The following CSMD1 variants were observed in gnomAD, a reference collection of about 807,000 sequenced individuals.
CSMD1 encodes the protein CUB and Sushi multiple domains 1, also known as CUB and sushi domain-containing protein 1.
A neutral mutation model predicts 417.5 loss-of-function variants in CSMD1; 213 were observed. The ratio of observed to expected loss-of-function variants is 0.51; its 90% CI spans 0.46 to 0.57. CSMD1 has a LOEUF of 0.57. Ranked by LOEUF, CSMD1 falls within the 20% of genes least tolerant of loss-of-function variation. CSMD1 has a pLI of 0.00. For synonymous variants in CSMD1, 2,862 were observed against 1,736.8 expected (o/e 1.65, Z -16.11); for missense variants, 6,923 against 4,529.7 (o/e 1.53, Z -15.17).
intron 4 of CSMD1, among the ~76,000 whole-genome samples, chr8:4,007,751 G>C (rs1320919003): frequency 6.6e-6 from 1 of 151,922 alleles, no homozygotes; most frequent in Non-Finnish European, 1.5e-5. Context: ...TTGCAAACAA[G>C]CCTCTATTCA....
chr8:3,922,598 T>C (rs531943545), intron 5 of CSMD1, among the ~76,000 whole-genome samples: 3 of 152,338 alleles, frequency 2.0e-5, no homozygotes, highest in South Asian at 2.1e-4. Flanking sequence ...AAACATCTTC[T>C]GGTTAAAGCA....
At chr8:4,324,186 A>G (rs889304025) in intron 3 of CSMD1, among the ~76,000 whole-genome samples, 1 of 152,248 alleles carries the variant, frequency 6.6e-6, no homozygotes, top group African/African-American at 2.4e-5. Flanking sequence ...AAAAATATAG[A>G]ACAAAGTAAA....
At chr8:3,604,392 G>C (rs1801505261) in intron 8 of CSMD1, among the ~76,000 whole-genome samples, 1 of 152,022 alleles carries the variant, frequency 6.6e-6, no homozygotes. Flanking sequence ...CTTAAGATCT[G>C]GATTTTCTCT....
intron 1 of CSMD1, among the ~76,000 whole-genome samples, chr8:4,817,035 G>A (rs987090227): frequency 2.6e-5 from 4 of 152,116 alleles, no homozygotes; most frequent in Non-Finnish European, 4.4e-5. Context: ...AGGGAAATGC[G>A]TGTTAAGATT....
intron 1 of CSMD1, among the ~76,000 whole-genome samples, chr8:4,984,019 G>C (rs530742869): frequency 6.6e-6 from 1 of 152,274 alleles, no homozygotes; most frequent in South Asian, 2.1e-4. Flanking sequence ...TGAAAAGACT[G>C]ATTATGGAGG....
intron 3 of CSMD1, among the ~76,000 whole-genome samples, chr8:4,255,809 G>A (rs1803417937): frequency 1.3e-5 from 2 of 152,280 alleles, no homozygotes; most frequent in South Asian, 4.1e-4. Context: ...GGCCTCCTCT[G>A]GGGCACTGGC....
rs1807120836 is a variant in CSMD1, at chr8:3,334,528, T to A, written c.3631+8766A>T. Among the ~76,000 whole-genome samples the A allele has an allele frequency of 2.0e-5, 3 of 152,228 alleles. No individual in the cohort carries two copies. In the South Asian group the frequency reaches 6.2e-4, roughly 31 times the overall value. On this transcript the variant is annotated intron_variant, in intron 23 of 69. Transcript: ENST00000635120. ...GTTGATGTCATTTTTATTGTATCAA[T>A]GTGTTAATAAAACCAGCATGACAGC...
chr8:3,828,902 G>A (rs773192240), intron 5 of CSMD1, among the ~76,000 whole-genome samples: 1 of 152,030 alleles, frequency 6.6e-6, no homozygotes, highest in Non-Finnish European at 1.5e-5. Context: ...TCACTGTAGT[G>A]GCCTTCAGCT....
chr8:3,528,640 G>A (rs1470631105), intron 10 of CSMD1, among the ~76,000 whole-genome samples: 1 of 152,136 alleles, frequency 6.6e-6, no homozygotes, highest in Non-Finnish European at 1.5e-5. Context: ...CTAATTAAAT[G>A]TCTTGAAATT....
At chr8:4,787,590 T>A (rs1390818233) in intron 1 of CSMD1, 1 of 1,533,958 alleles carries the variant, frequency 6.5e-7, no homozygotes, top group Non-Finnish European at 9.0e-7. Flanking sequence ...CAGTGCGAAA[T>A]GATTCCAATT....
chr8:3,877,338 TG>T (rs1239986040), intron 5 of CSMD1, among the ~76,000 whole-genome samples: 4 of 152,122 alleles, frequency 2.6e-5, no homozygotes, highest in Non-Finnish European at 5.9e-5. Flanking sequence ...GTGTCCATGA[TG>T]GGGGAGGCAT....
chr8:4,156,112 G>C (rs573422863), intron 3 of CSMD1, among the ~76,000 whole-genome samples: 1 of 152,114 alleles, frequency 6.6e-6, no homozygotes, highest in African/African-American at 2.4e-5. Context: ...ATAATCATCC[G>C]ATCCTGACAT....
intron 1 of CSMD1, among the ~76,000 whole-genome samples, chr8:4,742,921 A>G (rs1810717570): frequency 6.6e-6 from 1 of 152,218 alleles, no homozygotes; most frequent in Non-Finnish European, 1.5e-5. Context: ...CTGAAAATAA[A>G]TTGTAAAAAT....
intron 3 of CSMD1, among the ~76,000 whole-genome samples, chr8:4,394,476 C>T (rs1051565049): frequency 6.6e-6 from 1 of 152,184 alleles, no homozygotes; most frequent in African/African-American, 2.4e-5. Flanking sequence ...CTCAGGTTCT[C>T]TCCCTTCTGA....
chr8:3,685,383 T>C (rs1225007512), intron 7 of CSMD1, among the ~76,000 whole-genome samples: 2 of 152,156 alleles, frequency 1.3e-5, no homozygotes, highest in Admixed American at 6.5e-5. Flanking sequence ...AGGGGTCCTG[T>C]CTGGGTCCTG....
At chr8:3,370,960 A>G (rs1809908317) in intron 18 of CSMD1, among the ~76,000 whole-genome samples, 1 of 151,674 alleles carries the variant, frequency 6.6e-6, no homozygotes, top group Non-Finnish European at 1.5e-5. Context: ...TGGGGCAACA[A>G]GAGTCAAACT....
chr8:3,615,132 G>C (rs1032578918), intron 8 of CSMD1, among the ~76,000 whole-genome samples: 2 of 152,056 alleles, frequency 1.3e-5, no homozygotes, highest in Non-Finnish European at 2.9e-5. Flanking sequence ...CTGCCAGCTG[G>C]TGCATCCACA....
intron 52 of CSMD1, among the ~76,000 whole-genome samples, chr8:3,002,510 G>A (rs1807496775): frequency 6.6e-6 from 1 of 152,190 alleles, no homozygotes; most frequent in Admixed American, 6.5e-5. Flanking sequence ...AATTACTTCT[G>A]AAGCCTGGAA....
intron 5 of CSMD1, among the ~76,000 whole-genome samples, chr8:3,991,534 T>G (rs983985290): frequency 1.9e-4 from 29 of 152,204 alleles, no homozygotes; most frequent in Admixed American, 7.9e-4. Flanking sequence ...CTAAGATGAT[T>G]ACATTACTGT....
Sources: gnomAD v4.1 joint callset for allele counts (sites outside exome capture counted in the v4.1 genomes callset) on GRCh38, gnomAD v4.1.1 for gene constraint, MANE v1.5 for transcripts, NCBI Gene and HGNC (gene_info 2026-07-23, HGNC 2026-07-21) for gene names.